CRB1: variants seen among roughly 807,000 people sequenced by gnomAD.
CRB1 encodes protein crumbs homolog 1.
A neutral mutation model predicts 120.0 loss-of-function variants in CRB1; 83 were observed. That is an observed-to-expected ratio of 0.69 (90% CI 0.58 to 0.83). The LOEUF (loss-of-function observed/expected upper bound fraction) is 0.83. CRB1 is among the 40% of genes least tolerant of loss of function. The pLI is 0.00. For synonymous variants in CRB1, 625 were observed against 612.5 expected (o/e 1.02, Z -0.30); for missense variants, 1,699 against 1,687.6 (o/e 1.01, Z -0.12).
intron 1 of CRB1, among the ~76,000 whole-genome samples, chr1:197,286,951 T>G (rs558091008): frequency 6.6e-6 from 1 of 152,074 alleles, no homozygotes; most frequent in South Asian, 2.1e-4. Context: ...TTCTGCTTCA[T>G]AGAGAATTAG....
intron 5 of CRB1, among the ~76,000 whole-genome samples, chr1:197,376,344 G>T (rs1661645145): frequency 1.3e-5 from 2 of 151,734 alleles, no homozygotes; most frequent in Non-Finnish European, 2.9e-5. Context: ...CATAACCCAG[G>T]CAAAACTTTT....
At chr1:197,421,977 A>C in intron 6 of CRB1, 21 bp downstream of exon 6, 1 of 1,610,344 alleles carries the variant, frequency 6.2e-7, no homozygotes, top group Non-Finnish European at 8.5e-7. Flanking sequence ...GCTGAGTGCT[A>C]TGGCTAGGAG....
chr1:197,448,152 T>C (rs1384598355), intron 11 of CRB1, among the ~76,000 whole-genome samples: 1 of 152,234 alleles, frequency 6.6e-6, no homozygotes, highest in Non-Finnish European at 1.5e-5. Context: ...TTTCAGACTG[T>C]TGTGTTATTT....
At chr1:197,404,023 G>C (rs1303362308) in intron 5 of CRB1, among the ~76,000 whole-genome samples, 1 of 152,162 alleles carries the variant, frequency 6.6e-6, no homozygotes, top group Non-Finnish European at 1.5e-5. Flanking sequence ...CAGTTTCACA[G>C]ATACTTCAAA....
chr1:197,238,115 A>G, the CRB1 span, among the ~76,000 whole-genome samples: 5 of 152,252 alleles, frequency 3.3e-5, no homozygotes, highest in African/African-American at 1.2e-4. Context: ...AGGATTATTT[A>G]GAAGCATGTT....
chr1:197,357,161 G>A, intron 5 of CRB1, 148 bp downstream of exon 5: 1 of 775,016 alleles, frequency 1.3e-6, no homozygotes, highest in South Asian at 1.5e-5. Flanking sequence ...GGCATGAAAA[G>A]TATCTTGTTT....
chr1:197,213,637 A>G, the CRB1 span, among the ~76,000 whole-genome samples: 2 of 152,198 alleles, frequency 1.3e-5, no homozygotes. Flanking sequence ...TTTGGCCACA[A>G]ACAAATCTTT....
chr1:197,325,081 A>G (rs1658417771), intron 1 of CRB1, among the ~76,000 whole-genome samples: 1 of 152,192 alleles, frequency 6.6e-6, no homozygotes, highest in Non-Finnish European at 1.5e-5. Context: ...CAAGGCTTAA[A>G]TGGGAATTCA....
At chr1:197,219,370 A>G in the CRB1 span, among the ~76,000 whole-genome samples, 1 of 152,038 alleles carries the variant, frequency 6.6e-6, no homozygotes, top group Non-Finnish European at 1.5e-5. Context: ...TGTTTCTTTC[A>G]CTTGATTTTT....
upstream of CRB1, among the ~76,000 whole-genome samples, chr1:197,266,277 C>A (rs1310827325): frequency 1.3e-5 from 2 of 152,020 alleles, no homozygotes; most frequent in African/African-American, 4.8e-5. Flanking sequence ...CATCAAGGTA[C>A]CAGCAAATTT....
At chr1:197,361,564 T>G (rs1340263336) in intron 5 of CRB1, among the ~76,000 whole-genome samples, 1 of 152,070 alleles carries the variant, frequency 6.6e-6, no homozygotes, top group East Asian at 1.9e-4. Flanking sequence ...TGTTGGATGA[T>G]TGTAGTGATC....
At chr1:197,433,320 T>C (rs1170239155) in intron 8 of CRB1, among the ~76,000 whole-genome samples, 1 of 152,108 alleles carries the variant, frequency 6.6e-6, no homozygotes, top group Non-Finnish European at 1.5e-5. Context: ...TAAGAAGTAA[T>C]TAGTCTTAAT....
chr1:197,409,822 G>A (rs891058839), intron 5 of CRB1, among the ~76,000 whole-genome samples: 1 of 151,986 alleles, frequency 6.6e-6, no homozygotes, highest in Non-Finnish European at 1.5e-5. Context: ...TCGTTCTGTC[G>A]CGCAGGCTGG....
intron 5 of CRB1, among the ~76,000 whole-genome samples, chr1:197,360,894 A>G (rs999096388): frequency 1.3e-5 from 2 of 152,178 alleles, no homozygotes; most frequent in African/African-American, 4.8e-5. Flanking sequence ...TTAGCTATGA[A>G]TTTTTATCGA....
At chr1:197,448,514 C>A (rs1266632348) in intron 11 of CRB1, among the ~76,000 whole-genome samples, 1 of 152,180 alleles carries the variant, frequency 6.6e-6, no homozygotes, top group Non-Finnish European at 1.5e-5. Flanking sequence ...TCATTTCTTA[C>A]CTGTGCTCTC....
intron 1 of CRB1, among the ~76,000 whole-genome samples, chr1:197,320,720 T>C (rs1658139547): frequency 6.6e-6 from 1 of 152,228 alleles, no homozygotes; most frequent in African/African-American, 2.4e-5. Context: ...TGTTGTACAC[T>C]ATAGGTATAT....
chr1:197,347,503 C>T (rs377212045), intron 4 of CRB1, 24 bp downstream of exon 4: 12 of 1,611,788 alleles, frequency 7.4e-6, no homozygotes, highest in Non-Finnish European at 9.3e-6. Flanking sequence ...TACCTTCCAC[C>T]AATTATTTTT....
At chr1:197,448,447 T>C (rs1335676170) in intron 11 of CRB1, among the ~76,000 whole-genome samples, 2 of 152,164 alleles carry the variant, frequency 1.3e-5, no homozygotes, top group Non-Finnish European at 2.9e-5. Flanking sequence ...AAATTTGGTC[T>C]CCATATACAA....
At chr1:197,343,115 A>G (rs1406474734) in intron 2 of CRB1, among the ~76,000 whole-genome samples, 1 of 152,234 alleles carries the variant, frequency 6.6e-6, no homozygotes, top group Middle Eastern at 3.2e-3. Context: ...TTATTTGTTG[A>G]ATCTAGTAAC....
Sources: allele counts gnomAD v4.1 joint callset (sites outside exome capture counted in the v4.1 genomes callset), GRCh38; gene constraint gnomAD v4.1.1; transcripts MANE v1.5; gene names NCBI Gene and HGNC (gene_info 2026-07-23, HGNC 2026-07-21).